ZYG11B: variants seen among roughly 807,000 people sequenced by gnomAD.
ZYG11B encodes zyg-11 family member B, cell cycle regulator.
A neutral mutation model predicts 82.4 loss-of-function variants in ZYG11B; 36 were observed. That is an observed-to-expected ratio of 0.44 (90% confidence interval 0.33 to 0.58). The LOEUF (loss-of-function observed/expected upper bound fraction) is 0.58, where lower values mean the gene tolerates loss of function less well. Among genes scored for constraint, ZYG11B ranks in the 20% least tolerant of loss-of-function variants. ZYG11B has a pLI of 0.02. For synonymous variants in ZYG11B, 303 were observed against 312.8 expected (o/e 0.97, Z 0.33); for missense variants, 552 against 895.6 (o/e 0.62, Z 4.90).
intron 2 of ZYG11B, among the ~76,000 whole-genome samples, chr1:52,762,974 A>AT (rs1553259188): frequency 1.1e-5 from 1 of 89,126 alleles, no homozygotes; most frequent in Non-Finnish European, 1.9e-5. Flanking sequence ...AAGGTGAGAG[A>AT]TTGGGGGGGG....
At chr1:52,762,974 A>AC (rs1273645762) in intron 2 of ZYG11B, among the ~76,000 whole-genome samples, 4 of 89,126 alleles carry the variant, frequency 4.5e-5, no homozygotes, top group African/African-American at 3.2e-4. Context: ...AAGGTGAGAG[A>AC]TTGGGGGGGG....
intron 6 of ZYG11B, among the ~76,000 whole-genome samples, chr1:52,793,131 C>T (rs998564342): frequency 1.3e-5 from 2 of 151,670 alleles, no homozygotes; most frequent in Admixed American, 6.6e-5. Flanking sequence ...TGAGCCAGCA[C>T]ACCCAGCCTG....
At chr1:52,769,034 A>G (rs1253236352) in intron 2 of ZYG11B, among the ~76,000 whole-genome samples, 1 of 152,134 alleles carries the variant, frequency 6.6e-6, no homozygotes, top group Non-Finnish European at 1.5e-5. Flanking sequence ...GATACTTTAT[A>G]CTTGACATTG....
chr1:52,772,126 T>TTTTTTG lies in ZYG11B; in HGVS notation c.951+369_951+374dup, dbSNP rs925819858. On this transcript the variant is annotated intron_variant, in intron 3 of 13. Coordinates refer to ENST00000294353, the MANE Select transcript of ZYG11B (RefSeq NM_024646.3). Reference sequence around the variant, plus strand: ...ATTTTGAACCATTTACATATATGGTTTTTTTGTTTTTGTTTTTGTTTTATT... The same window carrying TTTTTTG: ...ATTTTGAACCATTTACATATATGGTTTTTTTGTTTTTGTTTTTGTTTTTGTTTTATT... 39 of 1,046,920 alleles carry TTTTTTG rather than the reference T, an allele frequency of 3.7e-5. No homozygotes were observed. The East Asian group carries it at 5.7e-4, about 15-fold the overall frequency. The allele number at this position is 1,046,920 out of a possible 1,614,324, so 64.9% of individuals were successfully genotyped here.
rs192231061 is a variant in ZYG11B at position 52,727,365 on chromosome 1, A to G, written c.30+682A>G. 2.0e-5 allele frequency among the ~76,000 whole-genome samples: 3 copies of G among 152,232 alleles called. No individual in the cohort carries two copies. In the East Asian group the frequency reaches 5.8e-4, roughly 29 times the overall value. The stretch of plus-strand genomic sequence containing the variant: ...TTGGAGGCATTGAAGAGATCCTGGA[A>G]GCCTATTCACCTAGTGTCATTGCAA... On this transcript the variant is annotated intron_variant, in intron 1 of 13. Coordinates refer to ENST00000294353, the MANE Select transcript of ZYG11B (RefSeq NM_024646.3).
At chr1:52,736,812 C>T (rs1644381989) in intron 1 of ZYG11B, among the ~76,000 whole-genome samples, 1 of 152,140 alleles carries the variant, frequency 6.6e-6, no homozygotes. Context: ...TGGTCTCGAA[C>T]TCCTGTCCTC....
intron 5 of ZYG11B, among the ~76,000 whole-genome samples, chr1:52,786,982 C>G (rs1023954314): frequency 6.6e-5 from 10 of 151,854 alleles, no homozygotes; most frequent in African/African-American, 1.5e-4. Flanking sequence ...CCCAGCTACT[C>G]GGGAGGCTGA....
chr1:52,756,743 A>G (rs936955656), intron 2 of ZYG11B, 120 bp downstream of exon 2: 1 of 828,444 alleles, frequency 1.2e-6, no homozygotes, highest in East Asian at 2.8e-5. Context: ...AATGAGCCTG[A>G]TTCCAGGACT....
intron 10 of ZYG11B, among the ~76,000 whole-genome samples, chr1:52,806,422 ATC>A (rs1250397394): frequency 1.3e-5 from 2 of 152,170 alleles, no homozygotes; most frequent in African/African-American, 2.4e-5. Context: ...GAGTTTTGAA[ATC>A]TCTGACTGTA....
chr1:52,797,478 G>GAT (rs1270426512), intron 8 of ZYG11B, among the ~76,000 whole-genome samples: 13 of 73,080 alleles, frequency 1.8e-4, no homozygotes, highest in Non-Finnish European at 3.2e-4. Context: ...TATTATATAT[G>GAT]ATATATAATA....
intron 2 of ZYG11B, among the ~76,000 whole-genome samples, chr1:52,758,780 A>T (rs961892672): frequency 2.0e-5 from 3 of 152,038 alleles, no homozygotes; most frequent in African/African-American, 7.2e-5. Context: ...GTCTCTTTGA[A>T]TTTTTCCAAC....
At chr1:52,770,390 GTA>G (rs926822798) in intron 2 of ZYG11B, among the ~76,000 whole-genome samples, 45 of 152,192 alleles carry the variant, frequency 3.0e-4, no homozygotes, top group Admixed American at 5.2e-4. Context: ...TATATTATGT[GTA>G]TATGTGTTTG....
chr1:52,732,689 C>T (rs1157557585), intron 1 of ZYG11B, among the ~76,000 whole-genome samples: 2 of 151,982 alleles, frequency 1.3e-5, no homozygotes, highest in Non-Finnish European at 1.5e-5. Flanking sequence ...CGCTTGAACC[C>T]GGGAGGCAGA....
intron 4 of ZYG11B, among the ~76,000 whole-genome samples, chr1:52,780,809 G>T (rs1558131595): frequency 6.6e-6 from 1 of 152,122 alleles, no homozygotes; most frequent in African/African-American, 2.4e-5. Context: ...CAAGAAAGGA[G>T]ATTTCTTAAT....
intron 1 of ZYG11B, among the ~76,000 whole-genome samples, chr1:52,751,723 AAG>A (rs1644526016): frequency 6.6e-6 from 1 of 152,110 alleles, no homozygotes; most frequent in African/African-American, 2.4e-5. Flanking sequence ...CTGAAGTGAA[AAG>A]AGTTTTTGTA....
intron 1 of ZYG11B, among the ~76,000 whole-genome samples, chr1:52,732,626 G>C (rs557516436): frequency 6.6e-6 from 1 of 152,152 alleles, no homozygotes; most frequent in African/African-American, 2.4e-5. Flanking sequence ...CTAGCTGAGC[G>C]TGGTGGCACA....
At chr1:52,817,775 G>GTATATATATATATATA (rs1553264314) in intron 13 of ZYG11B, among the ~76,000 whole-genome samples, 10 of 32,566 alleles carry the variant, frequency 3.1e-4, no homozygotes, top group East Asian at 8.6e-4. Flanking sequence ...GTATATATAT[G>GTATATATATATATATA]TGTATATATA....
chr1:52,791,495 A>G (rs544146169), intron 6 of ZYG11B, among the ~76,000 whole-genome samples: 11 of 151,886 alleles, frequency 7.2e-5, no homozygotes, highest in Non-Finnish European at 1.6e-4. Context: ...TAGCCTCCCA[A>G]ATAGCTGGGA....
chr1:52,757,852 T>A (rs917949613), intron 2 of ZYG11B, among the ~76,000 whole-genome samples: 1 of 152,132 alleles, frequency 6.6e-6, no homozygotes, highest in Non-Finnish European at 1.5e-5. Context: ...AGCTCTTATC[T>A]GTGTAGTTTT....
Sources: allele counts gnomAD v4.1 joint callset (sites outside exome capture counted in the v4.1 genomes callset), GRCh38; gene constraint gnomAD v4.1.1; transcripts MANE v1.5; gene names NCBI Gene and HGNC (gene_info 2026-07-23, HGNC 2026-07-21).